The following FANK1 variants were observed in gnomAD, a reference collection of about 807,000 sequenced individuals.
The protein encoded by FANK1 is fibronectin type III and ankyrin repeat domains 1, also known as fibronectin type 3 and ankyrin repeat domains protein 1.
A neutral mutation model predicts 45.3 loss-of-function variants in FANK1; 44 were observed. The ratio of observed to expected loss-of-function variants is 0.97; its 90% CI spans 0.76 to 1.25. FANK1 has a LOEUF of 1.25. Among genes scored for constraint, FANK1 ranks in the 50% most tolerant of loss-of-function variants. The probability of loss-of-function intolerance (pLI) is 0.00; values close to 1 mark genes in which losing one functional copy is unlikely to be tolerated. For missense variants in FANK1, 391 were observed against 424.4 expected (o/e 0.92, Z 0.69); for synonymous variants, 149 against 152.5 (o/e 0.98, Z 0.17).
chr10:126,005,707 G>A (rs1014377611), intron 7 of FANK1, among the ~76,000 whole-genome samples: 2 of 152,286 alleles, frequency 1.3e-5, no homozygotes, highest in African/African-American at 4.8e-5. Context: ...TTCAAATGGC[G>A]GAGATACAAA....
chr10:125,995,402 A>T lies in FANK1; in HGVS notation c.317-15A>T. On this transcript the variant is annotated splice_polypyrimidine_tract_variant and intron_variant, in intron 3 of 10. Transcript: ENST00000368693. ...CTGATGTTCTGGATGACTGCCTTCC[A>T]TCTCATTTCTCCAGGAGAGCCCATA... 2 of 1,613,516 alleles carry T rather than the reference A, an allele frequency of 1.2e-6. No homozygotes were observed. Among genetic ancestry groups the T allele is most frequent in the Non-Finnish European group, 1.7e-6 (2 of 1,179,428 alleles).
At chr10:125,950,355 G>T (rs913238790) in intron 1 of FANK1, among the ~76,000 whole-genome samples, 1 of 147,238 alleles carries the variant, frequency 6.8e-6, no homozygotes, top group Non-Finnish European at 1.5e-5. Flanking sequence ...GAAAATTTTC[G>T]CAACCTACTC....
At chr10:125,994,732 G>T in intron 3 of FANK1, 2 of 985,398 alleles carry the variant, frequency 2.0e-6, no homozygotes, top group Non-Finnish European at 2.4e-6. Context: ...CCCTCTGCTT[G>T]TGCTGCCCGC....
At chr10:125,960,975 G>T (rs2134178612) in intron 1 of FANK1, among the ~76,000 whole-genome samples, 1 of 152,312 alleles carries the variant, frequency 6.6e-6, no homozygotes, top group East Asian at 1.9e-4. Context: ...TACACTGTCA[G>T]ACTTCAAAAT....
intron 1 of FANK1, among the ~76,000 whole-genome samples, chr10:125,924,263 T>TGTTTG (rs1947161635): frequency 1.3e-5 from 2 of 150,702 alleles, no homozygotes; most frequent in African/African-American, 2.5e-5. Flanking sequence ...AGTTTTTTTT[T>TGTTTG]TTTTTGAGAT....
chr10:126,004,989 C>A lies in FANK1; in HGVS notation c.645C>A (p.His215Gln). Residue 215 changes from histidine to glutamine, a missense_variant, in exon 7 of 11, where the codon CAC (histidine) becomes CAA (glutamine). Transcript: ENST00000368693. ...ACCTGGGAGGCTGTACAGCTCTGCA[C>A]TGGGCTGCAGATGGAGGCCACTGCA... ...ARDLGGCTAL[H>Q]WAADGGHCSV... is the part of the protein sequence containing the mutation. 6.2e-7 allele frequency: 1 copy of A among 1,614,156 alleles called. No homozygotes were observed. Among genetic ancestry groups the A allele is most frequent in the Non-Finnish European group, 8.5e-7 (1 of 1,180,040 alleles).
At chr10:125,954,597 TG>T (rs1280523441) in intron 1 of FANK1, among the ~76,000 whole-genome samples, 1 of 152,098 alleles carries the variant, frequency 6.6e-6, no homozygotes, top group African/African-American at 2.4e-5. Context: ...TTTCCTGTAC[TG>T]GGCAAAATTG....
At chr10:125,994,673 A>T in intron 3 of FANK1, 2 of 985,466 alleles carry the variant, frequency 2.0e-6, no homozygotes, top group Non-Finnish European at 2.4e-6. Context: ...AACAAATGAA[A>T]CTAGAAACGC....
chr10:125,949,881 G>A (rs1949080726), intron 1 of FANK1, among the ~76,000 whole-genome samples: 1 of 146,030 alleles, frequency 6.8e-6, no homozygotes. Context: ...CAAGGCTACA[G>A]TAACCAAAAC....
chr10:125,988,662 A>G lies in FANK1; in HGVS notation c.303A>G (p.Ser101=), dbSNP rs375830652. ...AGTGTGAGTACAGCCCACTCGTCTC[A>G]GTGTCTACAACCAGTGAGTATTCAG... ...SGECEYSPLV[S]VSTTREPISS... The change falls in exon 3 of 11, where the codon TCA becomes TCG. Residue 101 remains serine, a synonymous_variant. Coordinates refer to ENST00000368693, the MANE Select transcript of FANK1 (RefSeq NM_145235.5). 9 of 1,614,062 alleles carry G rather than the reference A, an allele frequency of 5.6e-6. No homozygotes were observed. In the African/African-American group the frequency reaches 1.1e-4, roughly 19 times the overall value.
intron 1 of FANK1, among the ~76,000 whole-genome samples, chr10:125,968,262 T>A (rs1307406713): frequency 6.6e-6 from 1 of 152,152 alleles, no homozygotes; most frequent in Non-Finnish European, 1.5e-5. Context: ...GCACCTGACC[T>A]AGAACGTATT....
intron 1 of FANK1, among the ~76,000 whole-genome samples, chr10:125,905,886 G>C (rs558173873): frequency 7.6e-4 from 116 of 152,270 alleles, no homozygotes; most frequent in African/African-American, 2.8e-3. Flanking sequence ...TCAGGAATGA[G>C]CATTCCCAAG....
rs143405239 is a variant in FANK1, at chr10:125,984,537, T to A, written c.192-4014T>A. On this transcript the variant is annotated intron_variant, in intron 2 of 10. Transcript: ENST00000368693. ...TGGGGAAGACTGTGGGTGGAGTAGA[T>A]GCTCAGTTTGAAACTGTCTGACGTC... is the stretch of plus-strand genomic sequence containing the variant. 1.7e-3 allele frequency among the ~76,000 whole-genome samples: 258 copies of A among 152,140 alleles called. 1 individual carries two copies. The highest frequency in any genetic ancestry group is 5.8e-3 in the African/African-American group (239 of 41,508).
chr10:125,968,745 ATG>A (rs1007985597), intron 1 of FANK1, among the ~76,000 whole-genome samples: 5 of 152,180 alleles, frequency 3.3e-5, no homozygotes, highest in African/African-American at 1.2e-4. Context: ...CTTTTAAAAA[ATG>A]TAGGATGCTA....
chr10:125,974,280 C>A (rs771226983), intron 1 of FANK1, among the ~76,000 whole-genome samples: 1 of 152,202 alleles, frequency 6.6e-6, no homozygotes, highest in African/African-American at 2.4e-5. Flanking sequence ...GGTGGCAAGA[C>A]CAGGGCAGCC....
intron 1 of FANK1, among the ~76,000 whole-genome samples, chr10:125,961,548 T>C (rs1444698733): frequency 1.3e-5 from 2 of 152,018 alleles, no homozygotes; most frequent in East Asian, 3.9e-4. Flanking sequence ...TATATGAAAA[T>C]AAACTCAAAA....
intron 1 of FANK1, among the ~76,000 whole-genome samples, chr10:125,964,875 T>C (rs1422735778): frequency 1.3e-5 from 2 of 152,230 alleles, no homozygotes; most frequent in African/African-American, 4.8e-5. Flanking sequence ...TTCACTGCTA[T>C]TGGCAGATTT....
At chr10:125,971,183 T>C (rs1950493274) in intron 1 of FANK1, among the ~76,000 whole-genome samples, 1 of 152,202 alleles carries the variant, frequency 6.6e-6, no homozygotes, top group African/African-American at 2.4e-5. Flanking sequence ...ACCCACATTC[T>C]ATAGCCTTTC....
Position 125,963,895 on chromosome 10 carries a change from TAAAA to T in FANK1, c.14-16260_14-16257del, listed in dbSNP as rs560830907. Reference sequence around the variant, plus strand: ...TACCCTAGAACTTAAAGTATAATAATAAAAAAAAACATTTTAAGATAATTTTGCA... The same window carrying T: ...TACCCTAGAACTTAAAGTATAATAATAAAAACATTTTAAGATAATTTTGCA... On this transcript the variant is annotated intron_variant, in intron 1 of 10. Transcript: ENST00000368693. Among the ~76,000 whole-genome samples, 1,095 of 150,768 alleles carry T rather than the reference TAAAA, an allele frequency of 7.3e-3. 12 individuals are homozygous for T. The highest frequency in any genetic ancestry group is 0.025 in the African/African-American group (1,032 of 41,108).
Sources: gnomAD v4.1 joint callset for allele counts (sites outside exome capture counted in the v4.1 genomes callset) on GRCh38, gnomAD v4.1.1 for gene constraint, MANE v1.5 for transcripts, NCBI Gene and HGNC (gene_info 2026-07-23, HGNC 2026-07-21) for gene names.